ANAPC10: variants seen among roughly 807,000 people sequenced by gnomAD.
The protein encoded by ANAPC10 is anaphase-promoting complex subunit 10.
A neutral mutation model predicts 22.0 loss-of-function variants in ANAPC10; 12 were observed. The ratio of observed to expected loss-of-function variants is 0.55; its 90% CI spans 0.35 to 0.88. The LOEUF (loss-of-function observed/expected upper bound fraction) is 0.88. Among genes scored for constraint, ANAPC10 ranks in the 40% least tolerant of loss-of-function variants. The pLI is 0.01. For synonymous variants in ANAPC10, 65 were observed against 69.5 expected (o/e 0.94, Z 0.32); for missense variants, 188 against 220.9 (o/e 0.85, Z 0.94).
intron 3 of ANAPC10, among the ~76,000 whole-genome samples, chr4:145,081,255 A>C (rs1267317009): frequency 6.6e-6 from 1 of 152,094 alleles, no homozygotes; most frequent in African/African-American, 2.4e-5. Context: ...TTTCCAAATA[A>C]AAGTAAAAAT....
chr4:145,075,497 A>C (rs1288675994), intron 3 of ANAPC10, among the ~76,000 whole-genome samples: 1 of 151,910 alleles, frequency 6.6e-6, no homozygotes. Context: ...CCAGACCATC[A>C]AGAAGACAAG....
intron 4 of ANAPC10, among the ~76,000 whole-genome samples, chr4:144,998,047 T>C (rs1482728696): frequency 1.3e-5 from 2 of 152,196 alleles, no homozygotes; most frequent in Non-Finnish European, 2.9e-5. Context: ...TAAATATATA[T>C]GCACCCAATA....
chr4:145,068,857 C>T (rs1157595249), intron 3 of ANAPC10, among the ~76,000 whole-genome samples: 2 of 152,132 alleles, frequency 1.3e-5, no homozygotes, highest in East Asian at 3.9e-4. Context: ...TTGCTGTGAG[C>T]CAAGATTGCG....
chr4:145,009,675 G>T (rs1161913803), intron 4 of ANAPC10, among the ~76,000 whole-genome samples: 1 of 152,116 alleles, frequency 6.6e-6, no homozygotes, highest in Non-Finnish European at 1.5e-5. Context: ...ATTAATTCAA[G>T]ATGGATTAAA....
At chr4:145,008,024 A>G (rs1221837064) in intron 4 of ANAPC10, among the ~76,000 whole-genome samples, 2 of 152,220 alleles carry the variant, frequency 1.3e-5, no homozygotes, top group Non-Finnish European at 2.9e-5. Context: ...ATCCCACAGA[A>G]GTACAAACTA....
chr4:145,093,347 C>A (rs1017133553), intron 2 of ANAPC10, among the ~76,000 whole-genome samples: 1 of 151,670 alleles, frequency 6.6e-6, no homozygotes, highest in Admixed American at 6.6e-5. Flanking sequence ...GCAAATCCCA[C>A]AATAAAGGAC....
intron 2 of ANAPC10, among the ~76,000 whole-genome samples, chr4:145,091,063 T>TA (rs1747606478): frequency 1.3e-5 from 2 of 152,238 alleles, no homozygotes; most frequent in African/African-American, 4.8e-5. Context: ...ATTTCACTGA[T>TA]AGACTCAAAG....
intron 3 of ANAPC10, among the ~76,000 whole-genome samples, chr4:145,079,164 T>C (rs1055631107): frequency 6.6e-6 from 1 of 151,910 alleles, no homozygotes; most frequent in African/African-American, 2.4e-5. Flanking sequence ...CCAGAAACTA[T>C]AAGGAACTTA....
intron 4 of ANAPC10, among the ~76,000 whole-genome samples, chr4:144,998,160 T>C (rs927970800): frequency 2.8e-4 from 43 of 152,240 alleles, no homozygotes; most frequent in African/African-American, 8.9e-4. Flanking sequence ...CTGTCAACAT[T>C]AGACAGATCA....
chr4:145,034,452 G>C (rs1037592383), intron 4 of ANAPC10, among the ~76,000 whole-genome samples: 3 of 149,754 alleles, frequency 2.0e-5, no homozygotes, highest in African/African-American at 5.0e-5. Flanking sequence ...GGCTCTCCTT[G>C]CTCCTCAGCT....
intron 4 of ANAPC10, among the ~76,000 whole-genome samples, chr4:145,000,151 T>G (rs1283572029): frequency 1.3e-5 from 2 of 152,184 alleles, no homozygotes; most frequent in African/African-American, 2.4e-5. Context: ...GGCCAAGAAC[T>G]TTATGTCTAA....
At chr4:145,068,973 C>T (rs896933053) in intron 3 of ANAPC10, among the ~76,000 whole-genome samples, 4 of 152,080 alleles carry the variant, frequency 2.6e-5, no homozygotes, top group South Asian at 2.1e-4. Flanking sequence ...AAAGTTTTCG[C>T]GGAAGACTAC....
At chr4:145,031,001 C>T (rs924085787) in intron 4 of ANAPC10, among the ~76,000 whole-genome samples, 1 of 152,294 alleles carries the variant, frequency 6.6e-6, no homozygotes, top group East Asian at 1.9e-4. Context: ...GGTTTCATTG[C>T]TTGAGCATAT....
At chr4:145,055,935 A>C (rs951941015) in intron 4 of ANAPC10, among the ~76,000 whole-genome samples, 12 of 152,228 alleles carry the variant, frequency 7.9e-5, no homozygotes, top group African/African-American at 2.9e-4. Context: ...GCAATTAAAA[A>C]AGTTTTTAAA....
intron 4 of ANAPC10, among the ~76,000 whole-genome samples, chr4:145,003,490 C>T (rs1316977587): frequency 6.6e-6 from 1 of 151,978 alleles, no homozygotes; most frequent in African/African-American, 2.4e-5. Flanking sequence ...AATTTACATT[C>T]CCAACAGCAG....
chr4:145,023,051 C>G (rs1736186180), intron 4 of ANAPC10, among the ~76,000 whole-genome samples: 1 of 151,974 alleles, frequency 6.6e-6, no homozygotes, highest in Non-Finnish European at 1.5e-5. Context: ...CACCAATAGT[C>G]AAGTGGATAA....
chr4:144,998,899 A>C (rs183509308), intron 4 of ANAPC10, among the ~76,000 whole-genome samples: 1 of 152,286 alleles, frequency 6.6e-6, no homozygotes, highest in East Asian at 1.9e-4. Context: ...AAGAGAAAAG[A>C]AGCAAATAGA....
chr4:145,052,383 C>A (rs1408310022), intron 4 of ANAPC10, among the ~76,000 whole-genome samples: 1 of 152,038 alleles, frequency 6.6e-6, no homozygotes, highest in Admixed American at 6.5e-5. Flanking sequence ...ACACAATTTT[C>A]TGTCAATTTA....
At chr4:145,097,854 C>T in intron 1 of ANAPC10, 1 of 325,790 alleles carries the variant, frequency 3.1e-6, no homozygotes, top group Non-Finnish European at 6.1e-6. Context: ...ATATGGAGCT[C>T]GGAAAAGATT....
Sources: allele counts gnomAD v4.1 joint callset (sites outside exome capture counted in the v4.1 genomes callset), GRCh38; gene constraint gnomAD v4.1.1; transcripts MANE v1.5; gene names NCBI Gene and HGNC (gene_info 2026-07-23, HGNC 2026-07-21).